LRFN2: variants seen among roughly 807,000 people sequenced by gnomAD.
LRFN2 encodes leucine rich repeat and fibronectin type III domain containing 2, also known as leucine-rich repeat and fibronectin type-III domain-containing protein 2.
In LRFN2, 18 loss-of-function variants were observed where a neutral mutation model predicts 37.3. The ratio of observed to expected loss-of-function variants is 0.48; its 90% CI spans 0.33 to 0.72. The LOEUF (loss-of-function observed/expected upper bound fraction) is 0.72, where lower values mean the gene tolerates loss of function less well. LRFN2 is among the 30% of genes least tolerant of loss of function. The probability of loss-of-function intolerance (pLI) is 0.02; values close to 1 mark genes in which losing one functional copy is unlikely to be tolerated. For missense variants in LRFN2, 1,006 were observed against 1,060.7 expected, an observed-to-expected ratio of 0.95 and a Z score of 0.72; for synonymous variants, 556 against 466.6, an observed-to-expected ratio of 1.19 and a Z score of -2.47.
chr6:40,438,219 C>T (rs1251101540), intron 1 of LRFN2, among the ~76,000 whole-genome samples: 1 of 152,178 alleles, frequency 6.6e-6, no homozygotes, highest in Non-Finnish European at 1.5e-5. Context: ...CGAACCTACA[C>T]CATTCCAGAG....
intron 2 of LRFN2, among the ~76,000 whole-genome samples, chr6:40,424,645 G>C (rs1315393022): frequency 2.0e-5 from 3 of 152,086 alleles, no homozygotes; most frequent in Non-Finnish European, 4.4e-5. Flanking sequence ...TCTGACCAAG[G>C]AGCTGCCTTT....
chr6:40,545,835 C>T (rs1766650864), intron 1 of LRFN2, among the ~76,000 whole-genome samples: 1 of 152,120 alleles, frequency 6.6e-6, no homozygotes, highest in Non-Finnish European at 1.5e-5. Context: ...TGCCAACATC[C>T]TTTGGCCCAT....
intron 1 of LRFN2, among the ~76,000 whole-genome samples, chr6:40,525,889 C>T (rs1415940799): frequency 6.6e-6 from 1 of 152,198 alleles, no homozygotes; most frequent in East Asian, 1.9e-4. Flanking sequence ...CAAGTTCTCC[C>T]CTTTCCATTT....
At chr6:40,468,769 C>T (rs1764528272) in intron 1 of LRFN2, among the ~76,000 whole-genome samples, 1 of 152,148 alleles carries the variant, frequency 6.6e-6, no homozygotes, top group African/African-American at 2.4e-5. Context: ...CCTGTTCCAC[C>T]TCTGCCCCTT....
In LRFN2 at chr6:40,486,071, G is replaced by C. The variant is rs528508494; in HGVS notation, c.-18-52940C>G. 5.9e-5 allele frequency among the ~76,000 whole-genome samples: 9 copies of C among 152,314 alleles called. 1 individual carries two copies. Among genetic ancestry groups the C allele is most frequent in the Admixed American group, 2.0e-4 (3 of 15,308 alleles). ...GCGGGGCGAGGGTGCTGAAAGGAGAGTACCCATCAGTCATTGTTTGAGGGC... is the reference window on the plus strand; with the variant it reads ...GCGGGGCGAGGGTGCTGAAAGGAGACTACCCATCAGTCATTGTTTGAGGGC... On this transcript the variant is annotated intron_variant, in intron 1 of 2. Transcript: ENST00000338305.
At chr6:40,521,791 C>T (rs561782044) in intron 1 of LRFN2, among the ~76,000 whole-genome samples, 11 of 152,130 alleles carry the variant, frequency 7.2e-5, no homozygotes, top group African/African-American at 2.7e-4. Flanking sequence ...ATAAAGACAC[C>T]GATGAAAAGG....
At chr6:40,400,115 C>T (rs995199656) in intron 2 of LRFN2, among the ~76,000 whole-genome samples, 3 of 151,812 alleles carry the variant, frequency 2.0e-5, no homozygotes, top group African/African-American at 7.2e-5. Context: ...TCTCTCCCTC[C>T]TCCCACAACC....
At position 40,530,535 on chromosome 6, in the gene LRFN2, G is replaced by A. The variant is rs182603571; in HGVS notation, c.-19+56406C>T. Among the ~76,000 whole-genome samples, 9 of 152,062 alleles carry A rather than the reference G, an allele frequency of 5.9e-5. No individual in the cohort carries two copies. In the East Asian group the frequency reaches 1.2e-3, roughly 20 times the overall value. On this transcript the variant is annotated intron_variant, in intron 1 of 2. Transcript: ENST00000338305. ...CCCTGTTGGCCATGATCTCTATAAC[G>A]CTCTGTTCTTCCTGAGTTTGTCCTC... is the stretch of plus-strand genomic sequence containing the variant.
chr6:40,464,493 T>C (rs893638013), intron 1 of LRFN2, among the ~76,000 whole-genome samples: 1 of 152,220 alleles, frequency 6.6e-6, no homozygotes, highest in Non-Finnish European at 1.5e-5. Context: ...AGAAGACCCT[T>C]GTCAGATGCA....
At chr6:40,419,604 A>G (rs895892581) in intron 2 of LRFN2, among the ~76,000 whole-genome samples, 2 of 152,206 alleles carry the variant, frequency 1.3e-5, no homozygotes, top group Admixed American at 1.3e-4. Flanking sequence ...GTTATGCAAC[A>G]TGGTTGTGGC....
chr6:40,508,708 CAT>C (rs1361639899), intron 1 of LRFN2, among the ~76,000 whole-genome samples: 4 of 152,214 alleles, frequency 2.6e-5, no homozygotes, highest in Non-Finnish European at 5.9e-5. Context: ...ATGTAAGACA[CAT>C]AAAGCTGTGC....
chr6:40,541,389 A>T (rs1045124764), intron 1 of LRFN2, among the ~76,000 whole-genome samples: 2 of 152,134 alleles, frequency 1.3e-5, no homozygotes, highest in African/African-American at 4.8e-5. Flanking sequence ...GCAAGGAAGA[A>T]CTCACAGCTG....
chr6:40,458,125 T>C (rs1764272589), intron 1 of LRFN2, among the ~76,000 whole-genome samples: 1 of 152,234 alleles, frequency 6.6e-6, no homozygotes. Flanking sequence ...GTTATTCTAA[T>C]TAATAGATCT....
Position 40,392,971 on chromosome 6 carries a change from G to A in LRFN2, c.1401-59C>T. 1 of 1,540,466 alleles carries A rather than the reference G, an allele frequency of 6.5e-7. No individual in the cohort carries two copies. The highest frequency in any genetic ancestry group is 8.8e-7 in the Non-Finnish European group (1 of 1,137,376). ...TGGTGGGGTGGAAGGACAGGGTGATGGGGAGTGGACAGAGGTAGAAACAGA... is the reference window on the plus strand; with the variant it reads ...TGGTGGGGTGGAAGGACAGGGTGATAGGGAGTGGACAGAGGTAGAAACAGA... On this transcript the variant is annotated intron_variant, in intron 2 of 2. Transcript: ENST00000338305. This position sits in a 1 kb window ranked among gnomAD's most constrained non-coding sequence, Gnocchi z 4.7.
chr6:40,510,558 A>G (rs1765677626), intron 1 of LRFN2, among the ~76,000 whole-genome samples: 2 of 152,254 alleles, frequency 1.3e-5, no homozygotes. Flanking sequence ...CTCCTACATG[A>G]TGCCAGACCT....
intron 1 of LRFN2, among the ~76,000 whole-genome samples, chr6:40,463,417 T>A (rs986549644): frequency 6.6e-6 from 1 of 152,146 alleles, no homozygotes; most frequent in African/African-American, 2.4e-5. Context: ...TTTTCCACTC[T>A]GTGGACAGAG....
intron 1 of LRFN2, among the ~76,000 whole-genome samples, chr6:40,566,650 C>T (rs544117158): frequency 3.7e-4 from 56 of 151,438 alleles, no homozygotes; most frequent in African/African-American, 1.0e-3. Flanking sequence ...AACCAAACAC[C>T]GCATGTTCTC....
intron 1 of LRFN2, among the ~76,000 whole-genome samples, chr6:40,540,624 G>A (rs1253946290): frequency 6.6e-6 from 1 of 152,226 alleles, no homozygotes; most frequent in African/African-American, 2.4e-5. Flanking sequence ...AACTGCCTCT[G>A]CCGCAGTATC....
chr6:40,547,563 C>CCT (rs1766689719), intron 1 of LRFN2, among the ~76,000 whole-genome samples: 1 of 152,178 alleles, frequency 6.6e-6, no homozygotes, highest in African/African-American at 2.4e-5. Context: ...CCCTTCTTCA[C>CCT]CCTGGTCATT....
Sources: allele counts gnomAD v4.1 joint callset (sites outside exome capture counted in the v4.1 genomes callset), GRCh38; gene constraint gnomAD v4.1.1; non-coding constraint Gnocchi (gnomAD v3.1); transcripts MANE v1.5; gene names NCBI Gene and HGNC (gene_info 2026-07-23, HGNC 2026-07-21).